Variants in GPX6 observed in about 807,000 individuals in gnomAD.
GPX6 encodes glutathione peroxidase 6 (olfactory).
A neutral mutation model predicts 20.0 loss-of-function variants in GPX6; 21 were observed. The ratio of observed to expected loss-of-function variants is 1.05; its 90% CI spans 0.74 to 1.51. The LOEUF is 1.51. Ranked by LOEUF, GPX6 falls within the 40% of genes most tolerant of loss-of-function variation. GPX6 has a pLI of 0.00. For missense variants in GPX6, 233 were observed against 254.7 expected (o/e 0.91, Z 0.58); for synonymous variants, 75 against 98.0 (o/e 0.77, Z 1.38).
chr6:28,510,372 C>A (rs1255942278), intron 2 of GPX6, among the ~76,000 whole-genome samples: 1 of 152,204 alleles, frequency 6.6e-6, no homozygotes, highest in African/African-American at 2.4e-5. Flanking sequence ...AACTTCAATT[C>A]CTTGAACTCG....
At chr6:28,511,706 C>T (rs1432631915) in intron 1 of GPX6, among the ~76,000 whole-genome samples, 3 of 152,270 alleles carry the variant, frequency 2.0e-5, no homozygotes, top group African/African-American at 4.8e-5. Flanking sequence ...GCTCGCTCTC[C>T]GCGCCTCCTC....
intron 2 of GPX6, among the ~76,000 whole-genome samples, chr6:28,508,373 G>C (rs979581002): frequency 2.6e-5 from 4 of 152,156 alleles, no homozygotes; most frequent in Admixed American, 2.6e-4. Context: ...ACAATTGGCA[G>C]AACTTGATTC....
Position 28,510,856 on chromosome 6 carries a change from G to A in GPX6, c.136C>T (p.Leu46Phe). The A allele has an allele frequency of 6.2e-7, 1 of 1,613,950 alleles. No homozygotes were observed. The highest frequency in any genetic ancestry group is 8.5e-7 in the Non-Finnish European group (1 of 1,179,908). Reference sequence around the variant, plus strand: ...ATGTACTCCTCGCCGTTGAGGGTGAGGGCTCCATACTCATAGATGGTGCCT... The same window carrying A: ...ATGTACTCCTCGCCGTTGAGGGTGAAGGCTCCATACTCATAGATGGTGCCT... ...VTGTIYEYGA[L>F]TLNGEEYIQF... Residue 46 changes from leucine to phenylalanine, a missense_variant, in exon 2 of 5, where the codon CTC becomes TTC. Coordinates refer to ENST00000361902, the MANE Select transcript of GPX6 (RefSeq NM_182701.1).
chr6:28,509,209 A>C (rs1179910587), intron 2 of GPX6, among the ~76,000 whole-genome samples: 1 of 151,946 alleles, frequency 6.6e-6, no homozygotes, highest in African/African-American at 2.4e-5. Flanking sequence ...AATGTGTGGA[A>C]AATTTTTCTT....
chr6:28,505,831 A>C, intron 3 of GPX6, 29 bp from the exon 4 acceptor site: 1 of 1,546,956 alleles, frequency 6.5e-7, no homozygotes, highest in East Asian at 2.2e-5. Flanking sequence ...GTTCCCAGCA[A>C]GATACAAATT....
intron 1 of GPX6, among the ~76,000 whole-genome samples, chr6:28,514,041 TATC>T (rs1440480956): frequency 2.0e-5 from 3 of 152,366 alleles, no homozygotes; most frequent in African/African-American, 4.8e-5. Context: ...ATGATGGAGT[TATC>T]ATCTATATGC....
intron 1 of GPX6, among the ~76,000 whole-genome samples, chr6:28,511,858 A>G (rs1487416350): frequency 1.3e-5 from 2 of 152,170 alleles, no homozygotes; most frequent in Non-Finnish European, 2.9e-5. Context: ...GCTGGAGGGA[A>G]CCAGGGCTGC....
intron 4 of GPX6, 30 bp downstream of exon 4, chr6:28,505,673 C>G (rs777018275): frequency 1.3e-6 from 2 of 1,550,178 alleles, no homozygotes; most frequent in South Asian, 1.1e-5. Flanking sequence ...TTCTAGCTAA[C>G]CCATCCATGC....
chr6:28,512,369 G>C (rs1762897245), intron 1 of GPX6, among the ~76,000 whole-genome samples: 1 of 152,228 alleles, frequency 6.6e-6, no homozygotes, highest in Non-Finnish European at 1.5e-5. Context: ...CCTGTGTCTA[G>C]CTCAGGGTTT....
chr6:28,503,564 C>A lies in GPX6; in HGVS notation c.*728G>T. 6.6e-6 allele frequency: 1 copy of A among 152,302 alleles called. No individual in the cohort carries two copies. The allele number at this position is 152,302 out of a possible 1,614,324, so 9.4% of individuals were successfully genotyped here. On this transcript the variant is annotated 3_prime_UTR_variant, in exon 5 of 5. Coordinates refer to ENST00000361902, the MANE Select transcript of GPX6 (RefSeq NM_182701.1). ...CCCATCATTCAGAATACAGGGACAC[C>A]CCTGCCCAGGTGCCATGACCTGAAT...
At chr6:28,506,977 T>C (rs1299404226) in intron 2 of GPX6, among the ~76,000 whole-genome samples, 1 of 152,176 alleles carries the variant, frequency 6.6e-6, no homozygotes, top group African/African-American at 2.4e-5. Flanking sequence ...TGCTCCACCC[T>C]GGGAGTGGTA....
chr6:28,509,724 A>T (rs1418122011), intron 2 of GPX6, among the ~76,000 whole-genome samples: 2 of 152,216 alleles, frequency 1.3e-5, no homozygotes, highest in African/African-American at 4.8e-5. Context: ...ACCAACAGTA[A>T]TGCAAAACTC....
At position 28,512,695 on chromosome 6, in the gene GPX6, GCT is replaced by G. The variant is rs762225747; in HGVS notation, c.88-1793_88-1792del. 3.7e-4 allele frequency among the ~76,000 whole-genome samples: 57 copies of G among 152,132 alleles called. 1 individual carries two copies. The highest frequency in any genetic ancestry group is 7.6e-4 in the Non-Finnish European group (52 of 68,022). ...TCTTTCGCTCTTTGCAATAAGTCTT[GCT>G]GCTGCTCATTCTTGGGGTCCACACT... On this transcript the variant is annotated intron_variant, in intron 1 of 4. Coordinates refer to ENST00000361902, the MANE Select transcript of GPX6 (RefSeq NM_182701.1).
In GPX6 at chr6:28,504,377, G is replaced by A. The variant is rs768209498; in HGVS notation, c.581C>T (p.Pro194Leu). The change falls in exon 5 of 5, where the codon CCT (proline) becomes CTT (leucine). Residue 194 changes from proline (P) to leucine (L), a missense_variant. Pro to Leu is a moderately conservative substitution (Grantham distance 98). Coordinates refer to ENST00000361902, the MANE Select transcript of GPX6 (RefSeq NM_182701.1). ...AGCCTGGTGGAACCAATGCATGACA[G>A]GGACTCCATCGGGCCCCACCAGAAA... is the stretch of plus-strand genomic sequence containing the variant. ...EKFLVGPDGV[P>L]VMHWFHQAPV... 3.1e-6 allele frequency: 5 copies of A among 1,614,164 alleles called. No homozygotes were observed. The highest frequency in any genetic ancestry group is 1.1e-5 in the South Asian group (1 of 91,066).
chr6:28,510,411 T>C (rs1185611657), intron 2 of GPX6, among the ~76,000 whole-genome samples: 1 of 152,206 alleles, frequency 6.6e-6, no homozygotes, highest in Non-Finnish European at 1.5e-5. Flanking sequence ...AAAGTTCAGA[T>C]TCTATAGTAA....
intron 2 of GPX6, among the ~76,000 whole-genome samples, chr6:28,508,703 A>T (rs1433200787): frequency 6.6e-6 from 1 of 151,842 alleles, no homozygotes; most frequent in South Asian, 2.1e-4. Context: ...GCTATTTGGG[A>T]GGCTGAGGCA....
chr6:28,514,405 A>G (rs369539454), intron 1 of GPX6, among the ~76,000 whole-genome samples: 1 of 152,202 alleles, frequency 6.6e-6, no homozygotes, highest in Non-Finnish European at 1.5e-5. Context: ...ACAAGATGCT[A>G]TTTTACATCG....
chr6:28,504,572 T>A, intron 4 of GPX6, 74 bp from the exon 5 acceptor site: 1 of 1,326,538 alleles, frequency 7.5e-7, no homozygotes. Context: ...GGTACAGTTT[T>A]ATCTCCAGAC....
intron 4 of GPX6, among the ~76,000 whole-genome samples, chr6:28,504,773 G>A (rs199672515): frequency 6.6e-6 from 1 of 151,836 alleles, no homozygotes; most frequent in African/African-American, 2.4e-5. Flanking sequence ...GTTTTATCAC[G>A]ATGATTCAGT....
Sources: gnomAD v4.1 joint callset for allele counts (sites outside exome capture counted in the v4.1 genomes callset) on GRCh38, gnomAD v4.1.1 for gene constraint, MANE v1.5 for transcripts, NCBI Gene and HGNC (gene_info 2026-07-23, HGNC 2026-07-21) for gene names.